MAPKAP1: variants seen among roughly 807,000 people sequenced by gnomAD.
The protein encoded by MAPKAP1 is target of rapamycin complex 2 subunit MAPKAP1.
A neutral mutation model predicts 65.7 loss-of-function variants in MAPKAP1; 20 were observed. The ratio of observed to expected loss-of-function variants is 0.30; its 90% CI spans 0.21 to 0.44. The LOEUF (loss-of-function observed/expected upper bound fraction) is 0.44. Among genes scored for constraint, MAPKAP1 ranks in the 20% least tolerant of loss-of-function variants. MAPKAP1 has a pLI of 1.00. For synonymous variants in MAPKAP1, 222 were observed against 244.3 expected (o/e 0.91, Z 0.85); for missense variants, 423 against 648.0 (o/e 0.65, Z 3.77).
intron 3 of MAPKAP1, among the ~76,000 whole-genome samples, chr9:125,663,683 G>T (rs1239987257): frequency 1.3e-5 from 2 of 152,202 alleles, no homozygotes; most frequent in East Asian, 1.9e-4. Context: ...CTGGGGTAGG[G>T]TATAGGAAGG....
chr9:125,654,235 G>A (rs1301588732), intron 4 of MAPKAP1, among the ~76,000 whole-genome samples: 7 of 152,122 alleles, frequency 4.6e-5, no homozygotes, highest in Non-Finnish European at 1.0e-4. Context: ...AAATCAGAAG[G>A]ACTGGCACAA....
chr9:125,490,749 T>C (rs906418377), intron 8 of MAPKAP1, among the ~76,000 whole-genome samples: 2 of 152,234 alleles, frequency 1.3e-5, no homozygotes, highest in East Asian at 1.9e-4. Context: ...GCGGACTGAA[T>C]GCAGAGGCAG....
intron 2 of MAPKAP1, 124 bp downstream of exon 2, chr9:125,672,192 T>C: frequency 1.9e-6 from 2 of 1,035,890 alleles, no homozygotes; most frequent in South Asian, 1.6e-5. Context: ...TAGTCTGACA[T>C]ATGCATGTTC....
chr9:125,501,969 T>A (rs894009749), intron 8 of MAPKAP1, among the ~76,000 whole-genome samples: 1 of 152,180 alleles, frequency 6.6e-6, no homozygotes, highest in Non-Finnish European at 1.5e-5. Flanking sequence ...CTCTTGATTC[T>A]GATGTTTCTG....
chr9:125,569,946 A>T (rs1040717997), intron 5 of MAPKAP1, among the ~76,000 whole-genome samples: 3 of 152,262 alleles, frequency 2.0e-5, no homozygotes, highest in African/African-American at 7.2e-5. Flanking sequence ...AAATGAAAAC[A>T]GCTTTAAAAA....
intron 1 of MAPKAP1, among the ~76,000 whole-genome samples, chr9:125,681,148 G>A (rs1834810018): frequency 1.3e-5 from 2 of 152,198 alleles, no homozygotes; most frequent in African/African-American, 2.4e-5. Flanking sequence ...GATTTTTTAA[G>A]ACCACAATTT....
chr9:125,448,016 C>T (rs1852785581), intron 10 of MAPKAP1, among the ~76,000 whole-genome samples: 1 of 152,112 alleles, frequency 6.6e-6, no homozygotes, highest in Admixed American at 6.5e-5. Context: ...CCTGGAGTCA[C>T]CAGCTGATGG....
intron 8 of MAPKAP1, among the ~76,000 whole-genome samples, chr9:125,502,372 A>T (rs1829009932): frequency 6.6e-6 from 1 of 152,036 alleles, no homozygotes; most frequent in East Asian, 1.9e-4. Flanking sequence ...AAGTGCTGGG[A>T]TTACAGGCGT....
rs897608725 is a variant in MAPKAP1 at position 125,657,751 on chromosome 9, G to A, written c.398C>T (p.Pro133Leu). ...TATCGACTGCTTCCCAGAAATTGGA[G>A]GCTTCTCTTTGAGAGATTTTTTTTC... The part of the protein sequence containing the change: ...LFEKKSLKEK[P>L]PISGKQSILS... Residue 133 changes from proline to leucine, a missense_variant, in exon 4 of 12, where the codon CCT (proline) becomes CTT (leucine). Pro to Leu is a moderately conservative substitution (Grantham distance 98, BLOSUM62 -3). Around this residue, in one of 6 missense-constraint regions of MAPKAP1, gnomAD observed 67 missense variants for 69.6 expected, o/e 0.96. Transcript: ENST00000265960. 6.2e-7 allele frequency: 1 copy of A among 1,613,956 alleles called. No individual in the cohort carries two copies. The highest frequency in any genetic ancestry group is 8.5e-7 in the Non-Finnish European group (1 of 1,179,886).
intron 1 of MAPKAP1, among the ~76,000 whole-genome samples, chr9:125,678,275 C>T (rs954305605): frequency 4.0e-5 from 6 of 151,220 alleles, no homozygotes; most frequent in East Asian, 1.9e-4. Flanking sequence ...GACAGAGTCT[C>T]GCTCTGTCAC....
intron 4 of MAPKAP1, among the ~76,000 whole-genome samples, chr9:125,634,532 A>G (rs1437139608): frequency 1.3e-5 from 2 of 152,128 alleles, no homozygotes; most frequent in Non-Finnish European, 2.9e-5. Context: ...ACATGAATAC[A>G]TTTTTCACAA....
intron 8 of MAPKAP1, among the ~76,000 whole-genome samples, chr9:125,486,153 G>T (rs1197763547): frequency 6.6e-6 from 1 of 152,236 alleles, no homozygotes; most frequent in East Asian, 1.9e-4. Flanking sequence ...TTGGTGTTAA[G>T]CATTTCACAC....
intron 1 of MAPKAP1, among the ~76,000 whole-genome samples, chr9:125,674,044 AAAT>A (rs1489656141): frequency 9.8e-5 from 15 of 152,328 alleles, no homozygotes; most frequent in African/African-American, 3.6e-4. Flanking sequence ...TCAACAAAGA[AAAT>A]ATTGCAGGAC....
chr9:125,656,224 T>C (rs2131748546), intron 4 of MAPKAP1, among the ~76,000 whole-genome samples: 1 of 152,298 alleles, frequency 6.6e-6, no homozygotes, highest in Non-Finnish European at 1.5e-5. Flanking sequence ...TGAATCATTG[T>C]AGTATTTTTT....
At chr9:125,529,099 G>C (rs1829859530) in intron 7 of MAPKAP1, among the ~76,000 whole-genome samples, 1 of 150,740 alleles carries the variant, frequency 6.6e-6, no homozygotes, top group Non-Finnish European at 1.5e-5. Flanking sequence ...CCTTGAACCT[G>C]GAAGGTGGAG....
At chr9:125,500,757 A>G (rs967212120) in intron 8 of MAPKAP1, among the ~76,000 whole-genome samples, 1 of 152,252 alleles carries the variant, frequency 6.6e-6, no homozygotes. Flanking sequence ...AGTATTACAT[A>G]TCCAAGAAAT....
intron 8 of MAPKAP1, among the ~76,000 whole-genome samples, chr9:125,494,310 C>T (rs1431910674): frequency 6.6e-6 from 1 of 152,152 alleles, no homozygotes; most frequent in Admixed American, 6.5e-5. Flanking sequence ...GTTCATGCCC[C>T]CCGCCTGCCC....
chr9:125,517,104 C>T (rs538922498), intron 7 of MAPKAP1, among the ~76,000 whole-genome samples: 19 of 152,072 alleles, frequency 1.2e-4, no homozygotes, highest in Non-Finnish European at 2.4e-4. Flanking sequence ...GAGGCCAGGA[C>T]GAGAATGCAA....
At chr9:125,653,997 T>C in intron 4 of MAPKAP1, among the ~76,000 whole-genome samples, 1 of 152,230 alleles carries the variant, frequency 6.6e-6, no homozygotes, top group East Asian at 1.9e-4. Context: ...AGTGATAATG[T>C]ACTAGCAAAA....
Sources: allele counts gnomAD v4.1 joint callset (sites outside exome capture counted in the v4.1 genomes callset), GRCh38; gene constraint gnomAD v4.1.1; regional missense constraint gnomAD v4.1.1; transcripts MANE v1.5; gene names NCBI Gene and HGNC (gene_info 2026-07-23, HGNC 2026-07-21).